Variants in CAMKMT observed in about 807,000 individuals in gnomAD.
CAMKMT encodes the protein calmodulin-lysine N-methyltransferase.
A neutral mutation model predicts 48.0 loss-of-function variants in CAMKMT; 53 were observed. The observed-to-expected ratio is 1.10, with a 90% CI of 0.89 to 1.39. CAMKMT has a LOEUF of 1.39. CAMKMT is among the 40% of genes most tolerant of loss of function. CAMKMT has a pLI of 0.00. For synonymous variants in CAMKMT, 165 were observed against 152.3 expected (o/e 1.08, Z -0.61); for missense variants, 428 against 402.7 (o/e 1.06, Z -0.54).
intron 3 of CAMKMT, among the ~76,000 whole-genome samples, chr2:44,442,328 A>C (rs1666717836): frequency 6.6e-6 from 1 of 152,202 alleles, no homozygotes; most frequent in African/African-American, 2.4e-5. Flanking sequence ...ATACACACAT[A>C]TATAAAGCAA....
At chr2:44,667,118 T>C (rs1469147059) in intron 3 of CAMKMT, among the ~76,000 whole-genome samples, 1 of 152,240 alleles carries the variant, frequency 6.6e-6, no homozygotes, top group African/African-American at 2.4e-5. Context: ...GAGACCTTTG[T>C]ATCAGCTTGT....
chr2:44,715,218 CTG>C lies in CAMKMT; in HGVS notation c.557-67_557-66del, dbSNP rs1189067209. 25 of 803,338 alleles carry C rather than the reference CTG, an allele frequency of 3.1e-5. No homozygotes were observed. The East Asian group carries it at 6.5e-4, about 21-fold the overall frequency. 49.8% of individuals were successfully genotyped at this position (803,338 alleles called of 1,614,324 possible). A position where few individuals can be genotyped will look rare whatever the true frequency, so the allele number is the denominator to read the frequency against. On this transcript the variant is annotated intron_variant, in intron 6 of 10. Transcript: ENST00000378494. The stretch of plus-strand genomic sequence containing the variant: ...AAAAAAAAAAAAAAAAAAAAGATAA[CTG>C]TTTCTGGACCTTTTTTTTTGGTCAC...
chr2:44,501,622 AAATT>A (rs1203436428), intron 3 of CAMKMT, among the ~76,000 whole-genome samples: 1 of 152,196 alleles, frequency 6.6e-6, no homozygotes, highest in Admixed American at 6.5e-5. Context: ...TCCTATTAAA[AAATT>A]AATTAATAAA....
intron 3 of CAMKMT, among the ~76,000 whole-genome samples, chr2:44,471,659 T>C (rs879643282): frequency 1.8e-4 from 28 of 152,146 alleles, no homozygotes; most frequent in Non-Finnish European, 2.2e-4. Flanking sequence ...AGTTAGATGG[T>C]ATAGCTTAAG....
At chr2:44,488,683 C>A (rs973183404) in intron 3 of CAMKMT, among the ~76,000 whole-genome samples, 3 of 151,742 alleles carry the variant, frequency 2.0e-5, no homozygotes, top group African/African-American at 7.3e-5. Context: ...GCCTGGGTGA[C>A]AAGCGAGATC....
chr2:44,690,102 C>G (rs1235547075), intron 3 of CAMKMT, among the ~76,000 whole-genome samples: 1 of 152,122 alleles, frequency 6.6e-6, no homozygotes, highest in Non-Finnish European at 1.5e-5. Context: ...ACTTCTAGGA[C>G]CATTTCGAAA....
chr2:44,440,381 A>C (rs1666573890), intron 3 of CAMKMT, among the ~76,000 whole-genome samples: 1 of 152,166 alleles, frequency 6.6e-6, no homozygotes, highest in African/African-American at 2.4e-5. Flanking sequence ...GATTGTCCCC[A>C]GGGCACCATG....
intron 3 of CAMKMT, among the ~76,000 whole-genome samples, chr2:44,532,027 C>T (rs1341106151): frequency 6.6e-6 from 1 of 152,116 alleles, no homozygotes; most frequent in Admixed American, 6.5e-5. Context: ...TGATTCCATT[C>T]CTTGTAGTGC....
At chr2:44,748,653 A>G (rs1161903346) in intron 8 of CAMKMT, among the ~76,000 whole-genome samples, 1 of 152,094 alleles carries the variant, frequency 6.6e-6, no homozygotes, top group East Asian at 1.9e-4. Context: ...CGGGCAGATC[A>G]TGAGGTCAGG....
intron 3 of CAMKMT, chr2:44,393,620 A>G (rs1042852325): frequency 2.6e-5 from 4 of 152,178 alleles, no homozygotes; most frequent in Non-Finnish European, 4.4e-5. Flanking sequence ...TGTGTCTACT[A>G]TTGATTCATT....
intron 3 of CAMKMT, among the ~76,000 whole-genome samples, chr2:44,402,740 G>GTTTTTTTTTTTTTTTTTTTTCTT: frequency 1.1e-4 from 10 of 94,078 alleles, no homozygotes; most frequent in East Asian, 2.9e-4. Context: ...TTGTTTTGCT[G>GTTTTTTTTTTTTTTTTTTTTCTT]TTTTTTTTTT....
chr2:44,455,178 A>G (rs1667494477), intron 3 of CAMKMT, among the ~76,000 whole-genome samples: 1 of 152,160 alleles, frequency 6.6e-6, no homozygotes, highest in Admixed American at 6.5e-5. Context: ...GCATTTGGTT[A>G]TTTGTGAGGA....
chr2:44,639,216 G>A (rs904518349), intron 3 of CAMKMT, among the ~76,000 whole-genome samples: 1 of 152,206 alleles, frequency 6.6e-6, no homozygotes. Context: ...GAAATAACTA[G>A]TCAGTGGGCA....
intron 3 of CAMKMT, among the ~76,000 whole-genome samples, chr2:44,604,255 A>G (rs990994012): frequency 6.6e-6 from 1 of 152,210 alleles, no homozygotes; most frequent in Non-Finnish European, 1.5e-5. Context: ...ATGTATGGCT[A>G]GAAATTACTT....
At chr2:44,747,932 G>A (rs1314229807) in intron 8 of CAMKMT, among the ~76,000 whole-genome samples, 1 of 152,126 alleles carries the variant, frequency 6.6e-6, no homozygotes, top group Non-Finnish European at 1.5e-5. Context: ...GACTGCCAAT[G>A]TATTTTGATC....
At chr2:44,678,074 T>A (rs1675815396) in intron 3 of CAMKMT, among the ~76,000 whole-genome samples, 1 of 152,142 alleles carries the variant, frequency 6.6e-6, no homozygotes, top group East Asian at 1.9e-4. Context: ...GAATTCCATG[T>A]ATGAATCCTA....
chr2:44,539,121 T>C (rs56102461), intron 3 of CAMKMT, among the ~76,000 whole-genome samples: 13,117 of 151,604 alleles, frequency 0.087, 579 homozygotes, highest in South Asian at 0.1. Context: ...CTGGGCAACA[T>C]AGTGAAACCC....
chr2:44,415,605 G>C (rs1042102052), intron 3 of CAMKMT, among the ~76,000 whole-genome samples: 1 of 152,180 alleles, frequency 6.6e-6, no homozygotes, highest in Non-Finnish European at 1.5e-5. Context: ...AATGTAAACA[G>C]AGAGCAAATT....
At chr2:44,376,567 C>T (rs2104372072) in intron 2 of CAMKMT, among the ~76,000 whole-genome samples, 1 of 152,296 alleles carries the variant, frequency 6.6e-6, no homozygotes, top group African/African-American at 2.4e-5. Context: ...GTGATCAGCA[C>T]TTGTTATCAA....
Sources: allele counts gnomAD v4.1 joint callset (sites outside exome capture counted in the v4.1 genomes callset), GRCh38; gene constraint gnomAD v4.1.1; transcripts MANE v1.5; gene names NCBI Gene and HGNC (gene_info 2026-07-23, HGNC 2026-07-21).